Variants in GPR161 observed in about 807,000 individuals in gnomAD.
GPR161 encodes the protein G protein-coupled receptor 161, also known as G-protein coupled receptor RE2.
Under a neutral mutation model 39.2 loss-of-function variants are expected in GPR161, and 25 were observed. The ratio of observed to expected loss-of-function variants is 0.64; its 90% CI spans 0.47 to 0.89. The LOEUF (loss-of-function observed/expected upper bound fraction) is 0.89. GPR161 is among the 40% of genes least tolerant of loss of function. The pLI is 0.00. For missense variants in GPR161, 547 were observed against 677.8 expected (o/e 0.81, Z 2.14); for synonymous variants, 286 against 276.6 (o/e 1.03, Z -0.34).
At chr1:168,128,853 T>C (rs1698781495) in intron 1 of GPR161, among the ~76,000 whole-genome samples, 1 of 152,136 alleles carries the variant, frequency 6.6e-6, no homozygotes, top group African/African-American at 2.4e-5. Flanking sequence ...GGCTGTCCCC[T>C]CCCTCCCTCA....
intron 2 of GPR161, among the ~76,000 whole-genome samples, chr1:168,099,268 T>C (rs748869407): frequency 5.3e-5 from 8 of 152,118 alleles, no homozygotes; most frequent in Non-Finnish European, 1.0e-4. Flanking sequence ...GCAAATGAAA[T>C]GTGAGGGGGT....
At chr1:168,125,212 T>C (rs933180341) in intron 1 of GPR161, among the ~76,000 whole-genome samples, 1 of 152,180 alleles carries the variant, frequency 6.6e-6, no homozygotes, top group African/African-American at 2.4e-5. Context: ...AATACTATCC[T>C]GAGGGAGGGC....
At position 168,087,716 on chromosome 1, in the gene GPR161, G is replaced by A. The variant is rs867979158; in HGVS notation, c.1205-12C>T. ...CATCATATCTGTCCCTAAAACAACGGGCAGATTGTGCATATGTAACTACAA... is the reference window on the plus strand; with the variant it reads ...CATCATATCTGTCCCTAAAACAACGAGCAGATTGTGCATATGTAACTACAA... On this transcript the variant is annotated splice_polypyrimidine_tract_variant and intron_variant, in intron 4 of 5. Transcript: ENST00000682931. 1.2e-6 allele frequency: 2 copies of A among 1,603,654 alleles called. No individual in the cohort carries two copies. Among genetic ancestry groups the A allele is most frequent in the South Asian group, 2.2e-5 (2 of 89,558 alleles).
In GPR161 at chr1:168,097,190, G is replaced by A. The variant is rs967010861; in HGVS notation, c.417C>T (p.Ile139=). 3.7e-6 allele frequency: 6 copies of A among 1,613,750 alleles called. No individual in the cohort carries two copies. Among genetic ancestry groups the A allele is most frequent in the African/African-American group, 2.7e-5 (2 of 74,904 alleles). Residue 139 remains isoleucine, a synonymous_variant, in exon 3 of 6, where the codon ATC becomes ATT. Transcript: ENST00000682931. The stretch of plus-strand genomic sequence containing the variant: ...GTGCCATCACAGCCCGGTTCCCTGT[G>A]ATCTTCATGGGGTACACCATGGGGT... ...VLYPMVYPMK[I]TGNRAVMALV...
At chr1:168,125,155 C>A (rs1170605580) in intron 1 of GPR161, among the ~76,000 whole-genome samples, 1 of 152,162 alleles carries the variant, frequency 6.6e-6, no homozygotes, top group African/African-American at 2.4e-5. Context: ...TACTTATCTG[C>A]AGTTTCCCTT....
At chr1:168,095,738 G>A (rs1400479896) in intron 3 of GPR161, among the ~76,000 whole-genome samples, 1 of 152,198 alleles carries the variant, frequency 6.6e-6, no homozygotes, top group East Asian at 1.9e-4. Context: ...GAGGTGGGGA[G>A]GGGGTGCTGA....
chr1:168,082,295 C>G lies in GPR161; in HGVS notation c.*3236G>C, dbSNP rs7551987. 3.9e-3 allele frequency: 593 copies of G among 152,370 alleles called. 1 individual carries two copies. The highest frequency in any genetic ancestry group is 7.5e-3 in the Non-Finnish European group (509 of 68,054). 9.4% of individuals were successfully genotyped at this position (152,370 alleles called of 1,614,324 possible). A position where few individuals can be genotyped will look rare whatever the true frequency, so the allele number is the denominator to read the frequency against. ...ACCTGGATGGGGTCATGCATGTAAG[C>G]AGGCTAGCCAGGTGGTCCTTGGTCA... On this transcript the variant is annotated 3_prime_UTR_variant, in exon 6 of 6. Coordinates refer to ENST00000682931, the MANE Select transcript of GPR161 (RefSeq NM_001375883.1).
chr1:168,127,742 C>T (rs967026974), intron 1 of GPR161, among the ~76,000 whole-genome samples: 6 of 152,142 alleles, frequency 3.9e-5, no homozygotes, highest in African/African-American at 1.4e-4. Flanking sequence ...AAGACCCACC[C>T]GCTCCCATAA....
At chr1:168,129,917 T>C (rs1698861268) in intron 1 of GPR161, among the ~76,000 whole-genome samples, 2 of 152,326 alleles carry the variant, frequency 1.3e-5, no homozygotes, top group South Asian at 2.1e-4. Flanking sequence ...CTCTTTGCTT[T>C]GGGCAAGGTC....
intron 1 of GPR161, among the ~76,000 whole-genome samples, chr1:168,106,943 T>C (rs1290652472): frequency 1.3e-5 from 2 of 152,210 alleles, no homozygotes; most frequent in Non-Finnish European, 2.9e-5. Flanking sequence ...CTGGGTTTGT[T>C]GACTCTAATA....
intron 1 of GPR161, among the ~76,000 whole-genome samples, chr1:168,119,243 C>CACGTATATATAT: frequency 9.8e-6 from 1 of 101,598 alleles, no homozygotes; most frequent in East Asian, 2.7e-4. Flanking sequence ...TATATATATA[C>CACGTATATATAT]ACATATATAT....
Position 168,082,054 on chromosome 1 carries a change from T to C in GPR161, c.*3477A>G, listed in dbSNP as rs1324469192. On this transcript the variant is annotated 3_prime_UTR_variant, in exon 6 of 6. Transcript: ENST00000682931. ...ATCTGTCATTGTATCAAAGCATTTT[T>C]CCTCCGTCTCCTGTCTCAACCCAAA... 1 of 152,242 alleles carries C rather than the reference T, an allele frequency of 6.6e-6. No individual in the cohort carries two copies. Among genetic ancestry groups the C allele is most frequent in the Non-Finnish European group, 1.5e-5 (1 of 68,044 alleles). The allele number at this position is 152,242 out of a possible 1,614,324, so 9.4% of individuals were successfully genotyped here.
chr1:168,110,538 G>GAAAGAAAAGAAAAGA (rs56209524), intron 1 of GPR161, among the ~76,000 whole-genome samples: 66 of 79,618 alleles, frequency 8.3e-4, no homozygotes, highest in Non-Finnish European at 1.2e-3. Context: ...GAAAGGAAAG[G>GAAAGAAAAGAAAAGA]AAAGAAAAGA....
In GPR161 at chr1:168,084,590, G is replaced by A; in HGVS notation, c.*941C>T. ...ACTGTTGCTCTTGGGAGTGTGCCAT[G>A]CAGAACTGAGGCCAGCTATTTTCAT... On this transcript the variant is annotated 3_prime_UTR_variant, in exon 6 of 6. Coordinates refer to ENST00000682931, the MANE Select transcript of GPR161 (RefSeq NM_001375883.1). 2.8e-6 allele frequency: 1 copy of A among 359,926 alleles called. No homozygotes were observed. Among genetic ancestry groups the A allele is most frequent in the Non-Finnish European group, 5.4e-6 (1 of 184,730 alleles). The allele number at this position is 359,926 out of a possible 1,614,324, so 22.3% of individuals were successfully genotyped here.
At chr1:168,127,027 A>G (rs889788679) in intron 1 of GPR161, among the ~76,000 whole-genome samples, 29 of 152,194 alleles carry the variant, frequency 1.9e-4, no homozygotes, top group African/African-American at 6.5e-4. Flanking sequence ...GACAAAAAAG[A>G]GAGTAGATAT....
At chr1:168,119,207 T>C (rs1003338816) in intron 1 of GPR161, among the ~76,000 whole-genome samples, 125 of 97,964 alleles carry the variant, frequency 1.3e-3, no homozygotes, top group African/African-American at 6.0e-3. Flanking sequence ...TATATATATA[T>C]ATGTATACAT....
chr1:168,106,687 T>G (rs1400719584), intron 1 of GPR161, among the ~76,000 whole-genome samples: 1 of 152,242 alleles, frequency 6.6e-6, no homozygotes, highest in Non-Finnish European at 1.5e-5. Context: ...TGAAGACAGA[T>G]GTCCCTAATC....
At chr1:168,095,045 A>G in intron 3 of GPR161, among the ~76,000 whole-genome samples, 1 of 152,246 alleles carries the variant, frequency 6.6e-6, no homozygotes, top group South Asian at 2.1e-4. Flanking sequence ...GCATATTGGC[A>G]TATGTGCCCC....
At chr1:168,118,508 A>T (rs1316788387) in intron 1 of GPR161, 1 of 152,250 alleles carries the variant, frequency 6.6e-6, no homozygotes, top group Non-Finnish European at 1.5e-5. Flanking sequence ...AATGGGTACA[A>T]TGTACGTTAC....
Sources: allele counts gnomAD v4.1 joint callset (sites outside exome capture counted in the v4.1 genomes callset), GRCh38; gene constraint gnomAD v4.1.1; transcripts MANE v1.5; gene names NCBI Gene and HGNC (gene_info 2026-07-23, HGNC 2026-07-21).